Variants in IQGAP1 observed in about 807,000 individuals in gnomAD.
The protein encoded by IQGAP1 is ras GTPase-activating-like protein IQGAP1.
In IQGAP1, 66 loss-of-function variants were observed where a neutral mutation model predicts 215.6. The observed-to-expected ratio is 0.31, with a 90% CI of 0.25 to 0.38. The LOEUF (loss-of-function observed/expected upper bound fraction) is 0.38, where lower values mean the gene tolerates loss of function less well. IQGAP1 is among the 10% of genes least tolerant of loss of function. IQGAP1 has a pLI of 1.00. For missense variants in IQGAP1, 1,712 were observed against 1,997.1 expected (o/e 0.86, Z 2.72); for synonymous variants, 772 against 728.7 (o/e 1.06, Z -0.96).
intron 7 of IQGAP1, among the ~76,000 whole-genome samples, chr15:90,441,085 C>T (rs1965442517): frequency 6.7e-6 from 1 of 148,790 alleles, no homozygotes; most frequent in Non-Finnish European, 1.5e-5. Flanking sequence ...CCAGACTGGG[C>T]AACAAGAGTG....
At chr15:90,420,507 G>C (rs534284232) in intron 2 of IQGAP1, among the ~76,000 whole-genome samples, 1 of 152,306 alleles carries the variant, frequency 6.6e-6, no homozygotes, top group East Asian at 1.9e-4. Context: ...TTCTCTGTCA[G>C]TATTCAGGCT....
At chr15:90,428,389 T>C (rs1965256149) in intron 3 of IQGAP1, among the ~76,000 whole-genome samples, 1 of 152,124 alleles carries the variant, frequency 6.6e-6, no homozygotes, top group Non-Finnish European at 1.5e-5. Flanking sequence ...TTGCTCAGTT[T>C]TGAATACACA....
chr15:90,463,254 A>G (rs148585945), intron 15 of IQGAP1, among the ~76,000 whole-genome samples: 230 of 152,330 alleles, frequency 1.5e-3, no homozygotes, highest in African/African-American at 4.8e-3. Context: ...CAGGGAAGAA[A>G]GAATTCTGAA....
In IQGAP1 at chr15:90,474,609, T is replaced by G; in HGVS notation, c.2700T>G (p.Ile900Met). The G allele has an allele frequency of 6.2e-7, 1 of 1,613,844 alleles. No individual in the cohort carries two copies. ...MKMREEVITL[I>M]RSNQQLENDL... ...TGCGGGAAGAGGTTATCACCCTCATTCGTTCTAACCAGCAGCTGGAGAATG... is the reference window on the plus strand; with the variant it reads ...TGCGGGAAGAGGTTATCACCCTCATGCGTTCTAACCAGCAGCTGGAGAATG... The change falls in exon 23 of 38, where the codon ATT becomes ATG. Residue 900 changes from isoleucine to methionine, a missense_variant. Coordinates refer to ENST00000268182, the MANE Select transcript of IQGAP1 (RefSeq NM_003870.4).
chr15:90,427,215 T>C (rs1204061002), intron 3 of IQGAP1, among the ~76,000 whole-genome samples: 1 of 152,008 alleles, frequency 6.6e-6, no homozygotes, highest in African/African-American at 2.4e-5. Flanking sequence ...GGAGTTAGTA[T>C]TGCGCCACTG....
chr15:90,474,213 T>C, intron 22 of IQGAP1, 80 bp downstream of exon 22: 1 of 1,282,836 alleles, frequency 7.8e-7, no homozygotes, highest in South Asian at 1.4e-5. Context: ...CAGACCTCTT[T>C]TGTTATCCTG....
intron 33 of IQGAP1, among the ~76,000 whole-genome samples, chr15:90,488,428 A>G (rs1045327947): frequency 6.6e-6 from 1 of 151,628 alleles, no homozygotes; most frequent in Non-Finnish European, 1.5e-5. Context: ...AAACAGTTTC[A>G]GGGTTGGTTG....
intron 2 of IQGAP1, among the ~76,000 whole-genome samples, chr15:90,410,073 C>G (rs901334868): frequency 5.3e-5 from 8 of 152,140 alleles, no homozygotes; most frequent in Non-Finnish European, 4.4e-5. Context: ...GAGCAGATTG[C>G]AAAAATTTTC....
chr15:90,467,724 C>T lies in IQGAP1; in HGVS notation c.2178+132C>T, dbSNP rs568821114. 474 of 863,232 alleles carry T rather than the reference C, an allele frequency of 5.5e-4. 2 individuals carry two copies. The Middle Eastern group carries it at 0.011, about 19-fold the overall frequency. The allele number at this position is 863,232 out of a possible 1,614,324, so 53.5% of individuals were successfully genotyped here. A position where few individuals can be genotyped will look rare whatever the true frequency, so the allele number is the denominator to read the frequency against. Reference sequence around the variant, plus strand: ...TGAGGTTATGTAATGAGCTGTTTTGCGGTAATTTTTTTGTAGTAGTTGGGG... The same window carrying T: ...TGAGGTTATGTAATGAGCTGTTTTGTGGTAATTTTTTTGTAGTAGTTGGGG... On this transcript the variant is annotated intron_variant, in intron 18 of 37. Transcript: ENST00000268182.
intron 2 of IQGAP1, among the ~76,000 whole-genome samples, chr15:90,392,401 A>G (rs774262846): frequency 6.6e-6 from 1 of 152,252 alleles, no homozygotes; most frequent in Admixed American, 6.5e-5. Flanking sequence ...GTGGATTTCA[A>G]GGTTTGGAAG....
At chr15:90,418,779 G>A (rs1965090211) in intron 2 of IQGAP1, among the ~76,000 whole-genome samples, 1 of 152,104 alleles carries the variant, frequency 6.6e-6, no homozygotes, top group South Asian at 2.1e-4. Flanking sequence ...CAGAACTTGA[G>A]CATTTGTAAG....
chr15:90,412,552 T>C (rs1964981699), intron 2 of IQGAP1, among the ~76,000 whole-genome samples: 1 of 152,194 alleles, frequency 6.6e-6, no homozygotes. Flanking sequence ...AGTACCATTT[T>C]CTCTGGGAAG....
Position 90,390,796 on chromosome 15 carries a change from T to G in IQGAP1, c.78T>G (p.Leu26=). Reference sequence around the variant, plus strand: ...TAGCTGTCCTGGATAATGAAAGACTTACTGCAGAGGAGATGGATGAAAGGA... The same window carrying G: ...TAGCTGTCCTGGATAATGAAAGACTGACTGCAGAGGAGATGGATGAAAGGA... The part of the protein sequence containing the change: ...HYGSVLDNER[L]TAEEMDERRR... The change falls in exon 2 of 38, where the codon CTT becomes CTG. Residue 26 remains leucine (L), a synonymous_variant. Transcript: ENST00000268182. 1 of 1,611,906 alleles carries G rather than the reference T, an allele frequency of 6.2e-7. No individual in the cohort carries two copies.
At chr15:90,455,335 TCAGTGGTTGATCTTTC>T (rs1965664034) in intron 14 of IQGAP1, among the ~76,000 whole-genome samples, 1 of 152,148 alleles carries the variant, frequency 6.6e-6, no homozygotes, top group Non-Finnish European at 1.5e-5. Flanking sequence ...ACTCTATACC[TCAGTGGTTGATCTTTC>T]CAGCATGGCC....
intron 9 of IQGAP1, among the ~76,000 whole-genome samples, chr15:90,446,707 G>A (rs1284337064): frequency 6.6e-6 from 1 of 152,158 alleles, no homozygotes; most frequent in African/African-American, 2.4e-5. Flanking sequence ...TTTGCCTAGA[G>A]CATTCGAAAC....
At chr15:90,405,385 G>A (rs2657948) in intron 2 of IQGAP1, among the ~76,000 whole-genome samples, 54,888 of 151,974 alleles carry the variant, frequency 0.36, 10,539 homozygotes, top group East Asian at 0.67. Context: ...TAAAGTTGGC[G>A]TTGAGAAAAC....
chr15:90,487,314 G>A (rs569374985), intron 32 of IQGAP1, among the ~76,000 whole-genome samples, 181 bp from the exon 33 acceptor site: 17 of 152,054 alleles, frequency 1.1e-4, no homozygotes, highest in Non-Finnish European at 2.4e-4. Context: ...CCTAACCCTC[G>A]TACCTACTTA....
intron 34 of IQGAP1, 85 bp from the exon 35 acceptor site, chr15:90,492,460 G>A: frequency 2.2e-6 from 2 of 912,862 alleles, no homozygotes; most frequent in Non-Finnish European, 3.1e-6. Context: ...TCATATTTAA[G>A]GCAGAGTTAA....
chr15:90,471,516 TGA>T, intron 18 of IQGAP1, among the ~76,000 whole-genome samples: 1 of 151,850 alleles, frequency 6.6e-6, no homozygotes, highest in Non-Finnish European at 1.5e-5. Flanking sequence ...TTTTTTTTTT[TGA>T]AGCGGAGTTT....
Sources: allele counts gnomAD v4.1 joint callset (sites outside exome capture counted in the v4.1 genomes callset), GRCh38; gene constraint gnomAD v4.1.1; transcripts MANE v1.5; gene names NCBI Gene and HGNC (gene_info 2026-07-23, HGNC 2026-07-21).